MYO5A: variants seen among roughly 807,000 people sequenced by gnomAD.
The protein encoded by MYO5A is myosin VA.
Under a neutral mutation model 249.7 loss-of-function variants are expected in MYO5A, and 98 were observed. That is an observed-to-expected ratio of 0.39 (90% CI 0.33 to 0.46). The LOEUF (loss-of-function observed/expected upper bound fraction) is 0.46. Among genes scored for constraint, MYO5A ranks in the 20% least tolerant of loss-of-function variants. MYO5A has a pLI of 0.98. For synonymous variants in MYO5A, 778 were observed against 810.6 expected (o/e 0.96, Z 0.68); for missense variants, 1,696 against 2,308.8 (o/e 0.73, Z 5.44).
chr15:52,343,913 T>C (rs1040223012), intron 30 of MYO5A, among the ~76,000 whole-genome samples: 10 of 152,230 alleles, frequency 6.6e-5, no homozygotes, highest in African/African-American at 2.4e-4. Context: ...TTTTTGAGTG[T>C]TTGCTCAGTG....
intron 24 of MYO5A, among the ~76,000 whole-genome samples, chr15:52,360,610 A>G (rs2040471260): frequency 1.3e-5 from 2 of 152,194 alleles, no homozygotes; most frequent in Admixed American, 1.3e-4. Context: ...CTTTGGAGTG[A>G]GCAGTGGGCA....
chr15:52,508,666 A>G (rs1393532727), intron 1 of MYO5A, among the ~76,000 whole-genome samples: 3 of 152,064 alleles, frequency 2.0e-5, no homozygotes, highest in Non-Finnish European at 2.9e-5. Context: ...TACTCCACAC[A>G]TAGCTGGTAA....
intron 6 of MYO5A, 107 bp downstream of exon 6, chr15:52,410,226 A>C (rs1468003088): frequency 7.5e-7 from 1 of 1,328,800 alleles, no homozygotes; most frequent in Non-Finnish European, 1.1e-6. Context: ...TAATATTGTC[A>C]TAATATGCTC....
chr15:52,486,903 G>C (rs1386450433), intron 1 of MYO5A, among the ~76,000 whole-genome samples: 1 of 152,168 alleles, frequency 6.6e-6, no homozygotes, highest in Non-Finnish European at 1.5e-5. Flanking sequence ...ACGGGTGAAG[G>C]AAACACTCAG....
At chr15:52,459,349 A>G (rs1193097782) in intron 1 of MYO5A, among the ~76,000 whole-genome samples, 1 of 151,368 alleles carries the variant, frequency 6.6e-6, no homozygotes, top group Non-Finnish European at 1.5e-5. Flanking sequence ...TGGGTAGTTG[A>G]GATTAGGGAG....
intron 1 of MYO5A, among the ~76,000 whole-genome samples, chr15:52,498,839 C>G (rs1007533083): frequency 2.6e-5 from 4 of 152,084 alleles, no homozygotes; most frequent in African/African-American, 7.2e-5. Flanking sequence ...TTTAGAAGTA[C>G]CAACCCCATA....
chr15:52,433,999 CTTTTTTTTTTT>C (rs398043307), intron 1 of MYO5A, among the ~76,000 whole-genome samples: 5 of 127,308 alleles, frequency 3.9e-5, no homozygotes, highest in Admixed American at 2.4e-4. Flanking sequence ...CTTTCTTTTT[CTTTTTTTTTTT>C]TTTTTTTGAG....
At chr15:52,431,796 G>C (rs573601043) in intron 2 of MYO5A, among the ~76,000 whole-genome samples, 1 of 152,012 alleles carries the variant, frequency 6.6e-6, no homozygotes, top group African/African-American at 2.4e-5. Context: ...GACTAGCCTG[G>C]GCAACATATT....
At chr15:52,507,603 A>C (rs1213064269) in intron 1 of MYO5A, among the ~76,000 whole-genome samples, 1 of 152,090 alleles carries the variant, frequency 6.6e-6, no homozygotes, top group Non-Finnish European at 1.5e-5. Context: ...GGATCACTTT[A>C]GCCTAGGAGC....
chr15:52,516,398 CAAGT>C (rs1362829063), intron 1 of MYO5A, among the ~76,000 whole-genome samples: 1 of 152,140 alleles, frequency 6.6e-6, no homozygotes, highest in Non-Finnish European at 1.5e-5. Context: ...TACAAGAAAA[CAAGT>C]AACAACTATA....
chr15:52,404,525 A>T (rs1340653954), intron 9 of MYO5A, among the ~76,000 whole-genome samples: 5 of 152,164 alleles, frequency 3.3e-5, no homozygotes, highest in Non-Finnish European at 7.4e-5. Context: ...TAAGAATACC[A>T]CAATGAATAG....
At chr15:52,373,112 A>G (rs1004208860) in intron 20 of MYO5A, among the ~76,000 whole-genome samples, 10 of 152,200 alleles carry the variant, frequency 6.6e-5, no homozygotes, top group Admixed American at 1.3e-4. Flanking sequence ...AATGAAAGGT[A>G]AAAGTAAAAA....
chr15:52,365,259 A>C (rs958378272), intron 23 of MYO5A, among the ~76,000 whole-genome samples: 4 of 152,160 alleles, frequency 2.6e-5, no homozygotes, highest in African/African-American at 4.8e-5. Flanking sequence ...GCTTCTAACC[A>C]GATAAAATGC....
chr15:52,343,535 G>A (rs897775934), intron 30 of MYO5A, among the ~76,000 whole-genome samples: 2 of 152,168 alleles, frequency 1.3e-5, no homozygotes, highest in African/African-American at 4.8e-5. Flanking sequence ...ATCACATATT[G>A]TATTAGAGGT....
intron 35 of MYO5A, among the ~76,000 whole-genome samples, chr15:52,328,397 G>C (rs1279717827): frequency 6.6e-6 from 1 of 152,266 alleles, no homozygotes; most frequent in East Asian, 1.9e-4. Context: ...CAGTATCCTA[G>C]ATTACAAACC....
rs1227169239 is a variant in MYO5A at position 52,406,855 on chromosome 15, C to T, written c.946+437G>A. Among the ~76,000 whole-genome samples the T allele has an allele frequency of 3.3e-5, 5 of 152,220 alleles. No individual in the cohort carries two copies. The East Asian group carries it at 9.6e-4, about 29-fold the overall frequency. On this transcript the variant is annotated intron_variant, in intron 8 of 41. Transcript: ENST00000399233. ...CACATTTCCCAGCCACAGAAAGATC[C>T]CCAAAACCAAACAAATAAACCAATA...
At chr15:52,475,742 G>A (rs2076577952) in intron 1 of MYO5A, among the ~76,000 whole-genome samples, 1 of 152,174 alleles carries the variant, frequency 6.6e-6, no homozygotes, top group African/African-American at 2.4e-5. Flanking sequence ...ATTGCACTGT[G>A]GTCTGAGAGG....
At chr15:52,343,046 A>C (rs895513535) in intron 31 of MYO5A, 71 bp downstream of exon 31, 1 of 1,232,842 alleles carries the variant, frequency 8.1e-7, no homozygotes, top group African/African-American at 1.5e-5. Context: ...CAGGGGTGAA[A>C]GTCAGGAGGT....
chr15:52,527,486 C>A (rs753063048), intron 1 of MYO5A, among the ~76,000 whole-genome samples: 7 of 152,196 alleles, frequency 4.6e-5, no homozygotes, highest in Non-Finnish European at 8.8e-5. Flanking sequence ...ATGTTTCATG[C>A]AAGCTCATTT....
Sources: allele counts gnomAD v4.1 joint callset (sites outside exome capture counted in the v4.1 genomes callset), GRCh38; gene constraint gnomAD v4.1.1; transcripts MANE v1.5; gene names NCBI Gene and HGNC (gene_info 2026-07-23, HGNC 2026-07-21).